Variants in C1orf94 observed in about 807,000 individuals in gnomAD.
C1orf94 encodes the protein chromosome 1 open reading frame 94, also known as uncharacterized protein C1orf94.
In C1orf94, 45 loss-of-function variants were observed where a neutral mutation model predicts 53.6. That is an observed-to-expected ratio of 0.84 (90% CI 0.66 to 1.08). The LOEUF is 1.08. C1orf94 is among the 50% of genes least tolerant of loss of function. The pLI, the probability that C1orf94 is intolerant of heterozygous loss-of-function variation, is 0.00. For missense variants in C1orf94, 762 were observed against 738.9 expected, an observed-to-expected ratio of 1.03 and a Z score of -0.36; for synonymous variants, 304 against 296.1, an observed-to-expected ratio of 1.03 and a Z score of -0.27.
At chr1:34,171,985 T>C (rs1385413198), upstream of C1orf94, among the ~76,000 whole-genome samples, 1 of 152,238 alleles carries the variant, frequency 6.6e-6, no homozygotes, top group Non-Finnish European at 1.5e-5. Context: ...TTGTACTTTT[T>C]AATCTGAAAG....
intron 4 of C1orf94, 76 bp downstream of exon 4, chr1:34,202,335 G>A (rs1435507723): frequency 2.0e-6 from 3 of 1,506,142 alleles, no homozygotes; most frequent in Non-Finnish European, 2.7e-6. Flanking sequence ...CTGGCAGGGG[G>A]TCTATTTCAC....
intron 1 of C1orf94, among the ~76,000 whole-genome samples, chr1:34,183,094 T>C (rs1210343929): frequency 6.6e-6 from 1 of 152,166 alleles, no homozygotes; most frequent in East Asian, 1.9e-4. Context: ...AAAGAGGCTA[T>C]GTATTCCAAG....
chr1:34,180,826 A>G (rs1642301574), intron 1 of C1orf94, among the ~76,000 whole-genome samples: 1 of 152,216 alleles, frequency 6.6e-6, no homozygotes, highest in Non-Finnish European at 1.5e-5. Flanking sequence ...AGGTAAGTGC[A>G]TTCTACAATT....
At chr1:34,192,347 G>A (rs1035051231) in intron 1 of C1orf94, among the ~76,000 whole-genome samples, 1 of 152,148 alleles carries the variant, frequency 6.6e-6, no homozygotes, top group East Asian at 1.9e-4. Context: ...CTTAGGACTG[G>A]GTCAAGCAGG....
At chr1:34,194,033 G>A (rs1298919954) in intron 1 of C1orf94, among the ~76,000 whole-genome samples, 1 of 152,166 alleles carries the variant, frequency 6.6e-6, no homozygotes, top group Non-Finnish European at 1.5e-5. Flanking sequence ...GGTGGTTGCA[G>A]CTGGGGGGGA....
chr1:34,217,161 C>G (rs1564274), intron 6 of C1orf94, among the ~76,000 whole-genome samples: 119,557 of 152,134 alleles, frequency 0.79, 47,143 homozygotes, highest in South Asian at 0.87. Context: ...TATGTTCGTC[C>G]TACTCAACAG....
rs143733844 is a variant in C1orf94 at position 34,197,547 on chromosome 1, G to A, written c.643G>A (p.Glu215Lys). ...STVTDILCAA[E>K]VKSSKGTEDR... ...TGTCACAGACATTCTGTGTGCCGCCGAGGTCAAGAGCAGCAAGGGGACAGA... is the reference window on the plus strand; with the variant it reads ...TGTCACAGACATTCTGTGTGCCGCCAAGGTCAAGAGCAGCAAGGGGACAGA... Residue 215 changes from glutamate (E) to lysine (K), a missense_variant, in exon 2 of 7, where the codon GAG becomes AAG. By Grantham distance (56) the Glu-to-Lys change is moderately conservative. Coordinates refer to ENST00000488417, the MANE Select transcript of C1orf94 (RefSeq NM_001134734.2). This position sits in a 1 kb window ranked among gnomAD's most constrained non-coding sequence, Gnocchi z 4.1. The A allele has an allele frequency of 1.9e-5, 30 of 1,613,982 alleles. No individual in the cohort carries two copies. The highest frequency in any genetic ancestry group is 1.6e-4 in the Middle Eastern group (1 of 6,084).
chr1:34,184,114 AG>A (rs1642350539), intron 1 of C1orf94, among the ~76,000 whole-genome samples: 1 of 152,154 alleles, frequency 6.6e-6, no homozygotes, highest in African/African-American at 2.4e-5. Context: ...CTCTGAGGGA[AG>A]CAATCTGAAG....
At chr1:34,192,175 A>T (rs551001566) in intron 1 of C1orf94, among the ~76,000 whole-genome samples, 1 of 152,322 alleles carries the variant, frequency 6.6e-6, no homozygotes, top group East Asian at 1.9e-4. Flanking sequence ...TGGGGGAAAA[A>T]GGTAGATTAC....
chr1:34,199,462 T>C (rs1642659541), intron 2 of C1orf94, among the ~76,000 whole-genome samples: 1 of 152,216 alleles, frequency 6.6e-6, no homozygotes, highest in African/African-American at 2.4e-5. Flanking sequence ...AGCTCTTTCC[T>C]TTGCTGGAAT....
intron 1 of C1orf94, among the ~76,000 whole-genome samples, chr1:34,194,179 A>G (rs1642542877): frequency 2.0e-5 from 3 of 152,226 alleles, no homozygotes; most frequent in Admixed American, 2.0e-4. Context: ...TAAGATCTAA[A>G]CATTGATAAT....
At chr1:34,171,455 A>G (rs2148608170) in intron 1 of C1orf94, among the ~76,000 whole-genome samples, 1 of 139,438 alleles carries the variant, frequency 7.2e-6, no homozygotes, top group East Asian at 2.1e-4. Context: ...GAATGGATAA[A>G]CAGATGGATG....
Position 34,177,649 on chromosome 1 carries a change from C to T in C1orf94, c.-141C>T, listed in dbSNP as rs548493982. The stretch of plus-strand genomic sequence containing the variant: ...AAAAACAAATCAAAATAAGCCCTCC[C>T]CTCCCCAAAAGAAAGCTGTCCTCCA... On this transcript the variant is annotated 5_prime_UTR_variant, in exon 1 of 7. Coordinates refer to ENST00000488417, the MANE Select transcript of C1orf94 (RefSeq NM_001134734.2). 190 of 695,600 alleles carry T rather than the reference C, an allele frequency of 2.7e-4. No individual in the cohort carries two copies. The highest frequency in any genetic ancestry group is 4.2e-4 in the Non-Finnish European group (181 of 432,078). 43.1% of individuals were successfully genotyped at this position (695,600 alleles called of 1,614,324 possible).
chr1:34,170,749 TCTC>T (rs1240438938), intron 1 of C1orf94, among the ~76,000 whole-genome samples: 1 of 151,948 alleles, frequency 6.6e-6, no homozygotes, highest in East Asian at 1.9e-4. Flanking sequence ...CACTTCTAGT[TCTC>T]CACCCCAGCC....
At chr1:34,201,648 A>C (rs1178533185) in intron 3 of C1orf94, among the ~76,000 whole-genome samples, 1 of 152,234 alleles carries the variant, frequency 6.6e-6, no homozygotes, top group African/African-American at 2.4e-5. Context: ...TAGTGTTGCC[A>C]AATATATGTC....
At chr1:34,184,236 A>G (rs1642352680) in intron 1 of C1orf94, among the ~76,000 whole-genome samples, 1 of 152,212 alleles carries the variant, frequency 6.6e-6, no homozygotes. Context: ...TATGTCCCCC[A>G]GCTAGGTCTT....
intron 1 of C1orf94, among the ~76,000 whole-genome samples, chr1:34,169,167 G>C (rs2148607283): frequency 6.6e-6 from 1 of 152,272 alleles, no homozygotes; most frequent in South Asian, 2.1e-4. Flanking sequence ...CCACTTAGAA[G>C]ACTACTGCAA....
intron 1 of C1orf94, among the ~76,000 whole-genome samples, chr1:34,191,941 A>G (rs189678604): frequency 1.2e-3 from 189 of 152,242 alleles, no homozygotes; most frequent in African/African-American, 4.3e-3. Context: ...TGGCGCTACT[A>G]TTGGACAACT....
At chr1:34,169,301 G>A (rs1642102537) in intron 1 of C1orf94, among the ~76,000 whole-genome samples, 1 of 151,942 alleles carries the variant, frequency 6.6e-6, no homozygotes, top group Admixed American at 6.6e-5. Context: ...AGGAGAGTGT[G>A]GGTCTCAGCC....
Sources: gnomAD v4.1 joint callset for allele counts (sites outside exome capture counted in the v4.1 genomes callset) on GRCh38, gnomAD v4.1.1 for gene constraint, Gnocchi (gnomAD v3.1) non-coding constraint, MANE v1.5 for transcripts, NCBI Gene and HGNC (gene_info 2026-07-23, HGNC 2026-07-21) for gene names.